The following HPSE2 variants were observed in gnomAD, a reference collection of about 807,000 sequenced individuals.
HPSE2 encodes the protein inactive heparanase-2.
Under a neutral mutation model 60.5 loss-of-function variants are expected in HPSE2, and 38 were observed. That is an observed-to-expected ratio of 0.63 (90% confidence interval 0.48 to 0.82). HPSE2 has a LOEUF of 0.82. HPSE2 is among the 40% of genes least tolerant of loss of function. HPSE2 has a pLI of 0.00. For missense variants in HPSE2, 713 were observed against 740.4 expected (o/e 0.96, Z 0.43); for synonymous variants, 295 against 293.2 (o/e 1.01, Z -0.06).
chr10:99,257,302 G>A, the HPSE2 span, among the ~76,000 whole-genome samples: 3 of 152,178 alleles, frequency 2.0e-5, no homozygotes, highest in African/African-American at 7.2e-5. Flanking sequence ...AACTCTGACC[G>A]CTGGTGAGCC....
intron 9 of HPSE2, among the ~76,000 whole-genome samples, chr10:98,561,423 A>C (rs1258927812): frequency 2.0e-5 from 3 of 152,202 alleles, no homozygotes; most frequent in African/African-American, 7.2e-5. Context: ...TTAAAGACTA[A>C]GGATATAAAG....
intron 3 of HPSE2, among the ~76,000 whole-genome samples, chr10:99,047,274 G>A (rs1216768925): frequency 6.6e-6 from 1 of 152,166 alleles, no homozygotes; most frequent in South Asian, 2.1e-4. Context: ...TCCATATGCA[G>A]AAGAATAAAA....
At chr10:98,678,734 A>G in intron 6 of HPSE2, among the ~76,000 whole-genome samples, 1 of 151,860 alleles carries the variant, frequency 6.6e-6, no homozygotes, top group East Asian at 1.9e-4. Flanking sequence ...GGAACATCTG[A>G]GTTTGGCTAA....
intron 3 of HPSE2, among the ~76,000 whole-genome samples, chr10:98,979,207 C>T (rs906762161): frequency 2.0e-5 from 3 of 151,962 alleles, no homozygotes; most frequent in Non-Finnish European, 4.4e-5. Flanking sequence ...CCTTCAGGCA[C>T]GAGCTAGGGT....
At chr10:99,242,120 A>G in the HPSE2 span, among the ~76,000 whole-genome samples, 1 of 152,314 alleles carries the variant, frequency 6.6e-6, no homozygotes, top group East Asian at 1.9e-4. Flanking sequence ...CCTGGTTACA[A>G]AGTATGTTAT....
intron 2 of HPSE2, among the ~76,000 whole-genome samples, chr10:99,204,602 AAAGT>A (rs1848682669): frequency 6.6e-6 from 1 of 152,246 alleles, no homozygotes; most frequent in Admixed American, 6.5e-5. Flanking sequence ...TAAATAATTT[AAAGT>A]AATTATTTTG....
chr10:99,019,172 T>C (rs975388485), intron 3 of HPSE2, among the ~76,000 whole-genome samples: 1 of 152,166 alleles, frequency 6.6e-6, no homozygotes, highest in Non-Finnish European at 1.5e-5. Context: ...ATATCACTAA[T>C]CAATGTAAGG....
chr10:99,178,853 C>T (rs1332217213), intron 2 of HPSE2, among the ~76,000 whole-genome samples: 1 of 152,098 alleles, frequency 6.6e-6, no homozygotes, highest in African/African-American at 2.4e-5. Context: ...TGATGAACAT[C>T]GATGCGAAAA....
intron 3 of HPSE2, among the ~76,000 whole-genome samples, chr10:98,993,855 T>C (rs1335885341): frequency 6.6e-6 from 1 of 152,220 alleles, no homozygotes; most frequent in African/African-American, 2.4e-5. Context: ...TGAAGTATAG[T>C]GACCCAAAAA....
intron 3 of HPSE2, among the ~76,000 whole-genome samples, chr10:98,976,295 T>TG (rs1327730850): frequency 2.0e-5 from 3 of 152,202 alleles, no homozygotes; most frequent in African/African-American, 7.2e-5. Context: ...TAATAGTTAA[T>TG]GCATATTAAG....
chr10:98,747,224 ATTAAG>A (rs1419713810), intron 3 of HPSE2, among the ~76,000 whole-genome samples: 1 of 152,172 alleles, frequency 6.6e-6, no homozygotes, highest in Non-Finnish European at 1.5e-5. Context: ...AATGACATCT[ATTAAG>A]CATGCAATAA....
Position 98,936,132 on chromosome 10 carries a change from A to C in HPSE2, c.611-192076T>G, listed in dbSNP as rs1954782852. ...AAAACTGCCTACTAAAGCCACAGTA[A>C]TGGTAGTTGCATCACCCCTGCCTGG... On this transcript the variant is annotated intron_variant, in intron 3 of 11. Transcript: ENST00000370552. 2.1e-5 allele frequency among the ~76,000 whole-genome samples: 3 copies of C among 144,502 alleles called. 1 individual carries two copies. Among genetic ancestry groups the C allele is most frequent in the Non-Finnish European group, 3.0e-5 (2 of 67,258 alleles). The allele number at this position is 144,502 out of a possible 152,430, so 94.8% of individuals were successfully genotyped here.
chr10:99,098,110 G>C (rs1037784137), intron 3 of HPSE2, among the ~76,000 whole-genome samples: 3 of 152,136 alleles, frequency 2.0e-5, no homozygotes, highest in African/African-American at 7.2e-5. Context: ...AGTCTATACA[G>C]TTAGTCCTAC....
chr10:99,251,083 A>G, the HPSE2 span, among the ~76,000 whole-genome samples: 1 of 152,206 alleles, frequency 6.6e-6, no homozygotes, highest in Non-Finnish European at 1.5e-5. Context: ...TGAAAGGATC[A>G]AGATCAATAG....
chr10:98,974,642 C>A (rs11189913), intron 3 of HPSE2, among the ~76,000 whole-genome samples: 6 of 152,084 alleles, frequency 3.9e-5, no homozygotes, highest in African/African-American at 1.4e-4. Context: ...GATTACCTGG[C>A]GTTCCTACAA....
At chr10:98,997,269 T>C (rs1444095901) in intron 3 of HPSE2, among the ~76,000 whole-genome samples, 6 of 151,908 alleles carry the variant, frequency 3.9e-5, no homozygotes, top group Non-Finnish European at 5.9e-5. Context: ...TATGCCACCA[T>C]GCCCGGCTAA....
intron 6 of HPSE2, among the ~76,000 whole-genome samples, chr10:98,649,370 A>G (rs1467939226): frequency 6.6e-6 from 1 of 152,144 alleles, no homozygotes; most frequent in Non-Finnish European, 1.5e-5. Context: ...AACACTCTCT[A>G]TTTTGCAGAT....
At chr10:98,911,353 G>T (rs1271309112) in intron 3 of HPSE2, among the ~76,000 whole-genome samples, 1 of 152,158 alleles carries the variant, frequency 6.6e-6, no homozygotes, top group Non-Finnish European at 1.5e-5. Flanking sequence ...AATGATTAAG[G>T]CTCCTTGCAT....
chr10:99,164,819 C>A (rs1475479805), intron 2 of HPSE2, among the ~76,000 whole-genome samples: 1 of 152,080 alleles, frequency 6.6e-6, no homozygotes, highest in Non-Finnish European at 1.5e-5. Context: ...GGTCAGGTGG[C>A]TCACGCCTGT....
Sources: allele counts gnomAD v4.1 joint callset (sites outside exome capture counted in the v4.1 genomes callset), GRCh38; gene constraint gnomAD v4.1.1; transcripts MANE v1.5; gene names NCBI Gene and HGNC (gene_info 2026-07-23, HGNC 2026-07-21).